The following TMEM62 variants were observed in gnomAD, a reference collection of about 807,000 sequenced individuals.
TMEM62 encodes transmembrane protein 62.
TMEM62 carries 41 observed loss-of-function variants against 70.4 expected under a neutral mutation model. That is an observed-to-expected ratio of 0.58 (90% CI 0.45 to 0.76). The LOEUF (loss-of-function observed/expected upper bound fraction) is 0.76. Ranked by LOEUF, TMEM62 falls within the 30% of genes least tolerant of loss-of-function variation. The pLI is 0.00. For missense variants in TMEM62, 688 were observed against 788.5 expected (o/e 0.87, Z 1.53); for synonymous variants, 268 against 291.0 (o/e 0.92, Z 0.80).
chr15:43,178,317 G>A (rs577702058), intron 11 of TMEM62, among the ~76,000 whole-genome samples: 14 of 151,794 alleles, frequency 9.2e-5, no homozygotes, highest in Non-Finnish European at 1.8e-4. Flanking sequence ...ATATATATGA[G>A]TTCGATATAT....
In TMEM62 at chr15:43,162,694, A is replaced by C. The variant is rs1274860022; in HGVS notation, c.1296+1900A>C. The stretch of plus-strand genomic sequence containing the variant: ...TGATCCACCCACCTCAGCCTCCCAA[A>C]GTGTTGGGATTACAGCGGTAAGCCA... On this transcript the variant is annotated intron_variant, in intron 10 of 13. Transcript: ENST00000260403. Among the ~76,000 whole-genome samples, 5 of 152,198 alleles carry C rather than the reference A, an allele frequency of 3.3e-5. No homozygotes were observed. In the East Asian group the frequency reaches 9.6e-4, roughly 29 times the overall value.
intron 13 of TMEM62, among the ~76,000 whole-genome samples, chr15:43,183,592 T>A (rs764047199): frequency 6.6e-6 from 1 of 152,202 alleles, no homozygotes; most frequent in Non-Finnish European, 1.5e-5. Context: ...TACCTTCTCA[T>A]GACCCAGTTC....
chr15:43,160,454 T>G lies in TMEM62; in HGVS notation c.1183-227T>G, dbSNP rs1403177323. 7 of 432,730 alleles carry G rather than the reference T, an allele frequency of 1.6e-5. No individual in the cohort carries two copies. In the East Asian group the frequency reaches 2.8e-4, roughly 17 times the overall value. 26.8% of individuals were successfully genotyped at this position (432,730 alleles called of 1,614,324 possible). On this transcript the variant is annotated intron_variant, in intron 9 of 13. Transcript: ENST00000260403. ...TAGTCCTGCAGCTGTATCAGGAAGA[T>G]CACTTGACCACAGAAGATGAAAGCT...
At chr15:43,156,035 AACACAC>A (rs201926090) in intron 9 of TMEM62, among the ~76,000 whole-genome samples, 5 of 149,792 alleles carry the variant, frequency 3.3e-5, no homozygotes, top group Non-Finnish European at 7.4e-5. Context: ...TAGTTTCTTA[AACACAC>A]ACACACACAC....
At chr15:43,169,870 G>T (rs771634438) in intron 11 of TMEM62, 193 bp downstream of exon 11, 2 of 520,248 alleles carry the variant, frequency 3.8e-6, no homozygotes, top group Non-Finnish European at 3.4e-6. Context: ...TTTTATGGAG[G>T]CAGGGGTTAT....
chr15:43,138,672 G>A (rs372655016), intron 4 of TMEM62, 53 bp downstream of exon 4: 1 of 1,396,166 alleles, frequency 7.2e-7, no homozygotes, highest in South Asian at 1.3e-5. Flanking sequence ...GTTATAAGGA[G>A]GGTGTGGTCA....
chr15:43,154,874 T>C, intron 9 of TMEM62, 43 bp downstream of exon 9: 6 of 1,484,888 alleles, frequency 4.0e-6, no homozygotes, highest in Non-Finnish European at 5.4e-6. Flanking sequence ...GATTAAGCTG[T>C]AGCCACAATG....
chr15:43,182,466 T>G (rs1464572702), intron 13 of TMEM62, among the ~76,000 whole-genome samples: 1 of 151,392 alleles, frequency 6.6e-6, no homozygotes, highest in Non-Finnish European at 1.5e-5. Flanking sequence ...TTTTTTTTTT[T>G]TTTTGAGATG....
At chr15:43,134,008 G>C in intron 1 of TMEM62, 26 bp downstream of exon 1, 3 of 1,435,240 alleles carry the variant, frequency 2.1e-6, no homozygotes, top group Admixed American at 2.8e-5. Context: ...GCCGGGCCGG[G>C]AGGCAGGTGC....
intron 4 of TMEM62, among the ~76,000 whole-genome samples, chr15:43,140,701 T>C (rs150806909): frequency 7.9e-5 from 12 of 152,268 alleles, no homozygotes; most frequent in African/African-American, 2.9e-4. Flanking sequence ...AGATCCAGGG[T>C]CTGCCCAATC....
chr15:43,148,573 A>G (rs1810641567), intron 5 of TMEM62, among the ~76,000 whole-genome samples, 182 bp from the exon 6 acceptor site: 1 of 152,232 alleles, frequency 6.6e-6, no homozygotes, highest in African/African-American at 2.4e-5. Context: ...CAAATGAAAT[A>G]TAATGTATGT....
chr15:43,150,958 T>C (rs1409343335), intron 7 of TMEM62, among the ~76,000 whole-genome samples: 1 of 152,254 alleles, frequency 6.6e-6, no homozygotes, highest in Non-Finnish European at 1.5e-5. Flanking sequence ...TTAGAAAATA[T>C]AAAACTTTGG....
intron 4 of TMEM62, 140 bp from the exon 5 acceptor site, chr15:43,146,352 AT>A (rs1348877435): frequency 2.7e-6 from 2 of 750,134 alleles, no homozygotes; most frequent in Admixed American, 5.2e-5. Flanking sequence ...CAGTTTATCC[AT>A]TGTGGATCTA....
intron 10 of TMEM62, among the ~76,000 whole-genome samples, chr15:43,165,336 C>T (rs2039268325): frequency 6.6e-6 from 1 of 151,798 alleles, no homozygotes. Context: ...ATGAGTTCTG[C>T]CCTTGAGAAA....
chr15:43,172,997 G>A (rs1051233694), intron 11 of TMEM62, among the ~76,000 whole-genome samples: 1 of 152,156 alleles, frequency 6.6e-6, no homozygotes, highest in African/African-American at 2.4e-5. Flanking sequence ...GGAGGCCAAG[G>A]TGGATGGATC....
chr15:43,166,494 C>G (rs1386840771), intron 10 of TMEM62, among the ~76,000 whole-genome samples: 1 of 151,662 alleles, frequency 6.6e-6, no homozygotes, highest in Non-Finnish European at 1.5e-5. Flanking sequence ...TGTCAGAGTG[C>G]AAATCAATTA....
intron 11 of TMEM62, chr15:43,169,921 T>C: frequency 3.0e-6 from 1 of 330,502 alleles, no homozygotes; most frequent in Non-Finnish European, 5.5e-6. Flanking sequence ...TATGCATTGC[T>C]TCGGCCCCAA....
intron 10 of TMEM62, among the ~76,000 whole-genome samples, chr15:43,168,578 T>C (rs576942214): frequency 3.9e-5 from 6 of 152,286 alleles, no homozygotes; most frequent in Admixed American, 6.5e-5. Context: ...TTACTGTGGC[T>C]GAGCTGGTAC....
chr15:43,184,518 G>A lies in TMEM62; in HGVS notation c.1864G>A (p.Val622Met), dbSNP rs1228609048. Residue 622 changes from valine to methionine, a missense_variant, in exon 14 of 14, where the codon GTG becomes ATG. Physicochemically the swap from Val to Met is conservative, Grantham distance 21. Coordinates refer to ENST00000260403, the MANE Select transcript of TMEM62 (RefSeq NM_024956.4). ...GCTGACACCTGTTCTCATTCGTTAT[G>A]TGTGGACACTGAACTCCACCAAGTT... ...TLLTPVLIRY[V>M]WTLNSTKFGI... 2 of 1,613,482 alleles carry A rather than the reference G, an allele frequency of 1.2e-6. No homozygotes were observed. Among genetic ancestry groups the A allele is most frequent in the Admixed American group, 1.7e-5 (1 of 60,022 alleles).
Sources: allele counts gnomAD v4.1 joint callset (sites outside exome capture counted in the v4.1 genomes callset), GRCh38; gene constraint gnomAD v4.1.1; transcripts MANE v1.5; gene names NCBI Gene and HGNC (gene_info 2026-07-23, HGNC 2026-07-21).